Variants in PRKG1 observed in about 807,000 individuals in gnomAD.
PRKG1 encodes protein kinase cGMP-dependent 1.
Under a neutral mutation model 88.1 loss-of-function variants are expected in PRKG1, and 35 were observed. That is an observed-to-expected ratio of 0.40 (90% CI 0.30 to 0.53). The LOEUF is 0.53. PRKG1 is among the 20% of genes least tolerant of loss of function. The probability of loss-of-function intolerance (pLI) is 0.59; values close to 1 mark genes in which losing one functional copy is unlikely to be tolerated. For missense variants in PRKG1, 540 were observed against 839.8 expected (o/e 0.64, Z 4.41); for synonymous variants, 303 against 292.5 (o/e 1.04, Z -0.37).
intron 3 of PRKG1, among the ~76,000 whole-genome samples, chr10:51,770,557 G>A (rs1838278191): frequency 6.6e-6 from 1 of 152,200 alleles, no homozygotes; most frequent in Admixed American, 6.5e-5. Context: ...CTGCACAGAG[G>A]AGGTGAGGGG....
chr10:51,895,972 C>A (rs1431682027), intron 4 of PRKG1, among the ~76,000 whole-genome samples: 1 of 152,018 alleles, frequency 6.6e-6, no homozygotes, highest in Non-Finnish European at 1.5e-5. Flanking sequence ...TCCAAGGGCC[C>A]CTTGTGACAT....
chr10:51,395,714 C>T (rs571433917), intron 2 of PRKG1, among the ~76,000 whole-genome samples: 46 of 152,286 alleles, frequency 3.0e-4, no homozygotes, highest in African/African-American at 8.9e-4. Flanking sequence ...GGCATGATAA[C>T]GCCAGCAGTG....
chr10:51,157,300 C>T (rs1846239470), intron 2 of PRKG1, among the ~76,000 whole-genome samples: 1 of 151,748 alleles, frequency 6.6e-6, no homozygotes, highest in Non-Finnish European at 1.5e-5. Flanking sequence ...TTTTGATCAA[C>T]GTTGTTTTGG....
intron 4 of PRKG1, among the ~76,000 whole-genome samples, chr10:51,850,544 C>T (rs1002411958): frequency 1.3e-5 from 2 of 150,446 alleles, no homozygotes; most frequent in Non-Finnish European, 3.0e-5. Context: ...AAAAGGATAC[C>T]ATCAGCAAAA....
intron 2 of PRKG1, among the ~76,000 whole-genome samples, chr10:51,211,772 C>A (rs1372756723): frequency 1.3e-5 from 2 of 152,006 alleles, no homozygotes; most frequent in Non-Finnish European, 2.9e-5. Context: ...ATGTGAAGGA[C>A]CTCTTCAAGG....
chr10:51,686,366 C>T (rs182701061), intron 3 of PRKG1, among the ~76,000 whole-genome samples: 3 of 152,198 alleles, frequency 2.0e-5, no homozygotes, highest in East Asian at 3.9e-4. Flanking sequence ...TCTCGTTCGG[C>T]TCCCCCTTAT....
At chr10:51,940,759 G>A (rs1174815966) in intron 5 of PRKG1, among the ~76,000 whole-genome samples, 1 of 151,680 alleles carries the variant, frequency 6.6e-6, no homozygotes, top group African/African-American at 2.4e-5. Context: ...CTTAACTTTC[G>A]TCTTCTTCTC....
intron 2 of PRKG1, among the ~76,000 whole-genome samples, chr10:51,187,415 C>T (rs764924207): frequency 4.6e-5 from 7 of 152,014 alleles, no homozygotes; most frequent in Middle Eastern, 3.4e-3. Context: ...AAAATGACAA[C>T]GTTAAAATCT....
rs145622842 is a variant in PRKG1 at position 52,093,415 on chromosome 10, G to C, written c.935+30784G>C. Among the ~76,000 whole-genome samples the C allele has an allele frequency of 2.2e-4, 34 of 152,230 alleles. 3 individuals are homozygous for C. The East Asian group carries it at 6.6e-3, about 29-fold the overall frequency. On this transcript the variant is annotated intron_variant, in intron 7 of 17. Transcript: ENST00000373980. ...TAGCTCTAGCTACTTAAGGAATTTA[G>C]GTGCTCTGGCATTAATATTTTATGC...
chr10:51,970,566 C>T (rs1904034), intron 5 of PRKG1, among the ~76,000 whole-genome samples: 116,027 of 150,350 alleles, frequency 0.77, 44,916 homozygotes, highest in African/African-American at 0.8. Context: ...CAATCATCAA[C>T]TTTTATTTTT....
chr10:51,923,846 T>C (rs78685637), intron 5 of PRKG1, among the ~76,000 whole-genome samples: 1 of 152,030 alleles, frequency 6.6e-6, no homozygotes, highest in Non-Finnish European at 1.5e-5. Context: ...TTTTTTTTTT[T>C]GAGACAGGGT....
chr10:52,129,938 C>T (rs995843240), intron 7 of PRKG1, among the ~76,000 whole-genome samples: 1 of 152,100 alleles, frequency 6.6e-6, no homozygotes. Context: ...GTGGAAAGAA[C>T]ATGACTTTAG....
chr10:52,062,875 G>T, intron 7 of PRKG1: 2 of 698,520 alleles, frequency 2.9e-6, no homozygotes, highest in Non-Finnish European at 5.3e-6. Flanking sequence ...AACATTTTCA[G>T]GTTTGTGTCC....
chr10:51,431,680 A>G (rs567974415), intron 2 of PRKG1, among the ~76,000 whole-genome samples: 1 of 152,304 alleles, frequency 6.6e-6, no homozygotes, highest in Admixed American at 6.5e-5. Context: ...CAGTGCAACA[A>G]GAATACAGAA....
intron 3 of PRKG1, among the ~76,000 whole-genome samples, chr10:51,519,608 A>G (rs1174922511): frequency 6.6e-6 from 1 of 152,194 alleles, no homozygotes; most frequent in Non-Finnish European, 1.5e-5. Context: ...ATTTTTACTC[A>G]TGAGAGTAGA....
chr10:52,191,185 G>C (rs916441830), intron 9 of PRKG1, among the ~76,000 whole-genome samples: 1 of 152,062 alleles, frequency 6.6e-6, no homozygotes, highest in African/African-American at 2.4e-5. Context: ...AGACAGTCTC[G>C]CTCTGTCGCC....
chr10:51,063,741 T>G (rs1843718243), intron 1 of PRKG1, among the ~76,000 whole-genome samples: 1 of 152,190 alleles, frequency 6.6e-6, no homozygotes, highest in Non-Finnish European at 1.5e-5. Context: ...TTTGAGGATC[T>G]GCTAATTAAT....
intron 7 of PRKG1, among the ~76,000 whole-genome samples, chr10:52,108,139 C>G (rs1847468772): frequency 6.6e-6 from 1 of 152,122 alleles, no homozygotes; most frequent in Non-Finnish European, 1.5e-5. Flanking sequence ...TATCTCAAAA[C>G]TGTTTTGGAG....
intron 2 of PRKG1, among the ~76,000 whole-genome samples, chr10:51,174,337 T>A (rs899094294): frequency 8.6e-5 from 13 of 151,800 alleles, no homozygotes; most frequent in Middle Eastern, 3.4e-3. Context: ...TAGAATTCAT[T>A]TGTAACATTG....
Sources: allele counts gnomAD v4.1 joint callset (sites outside exome capture counted in the v4.1 genomes callset), GRCh38; gene constraint gnomAD v4.1.1; transcripts MANE v1.5; gene names NCBI Gene and HGNC (gene_info 2026-07-23, HGNC 2026-07-21).